The following POC1B variants were observed in gnomAD, a reference collection of about 807,000 sequenced individuals.
The protein encoded by POC1B is POC1 centriolar protein homolog B.
POC1B carries 44 observed loss-of-function variants against 60.6 expected under a neutral mutation model. The ratio of observed to expected loss-of-function variants is 0.73; its 90% confidence interval spans 0.57 to 0.93. The LOEUF (loss-of-function observed/expected upper bound fraction) is 0.93, where lower values mean the gene tolerates loss of function less well. Among genes scored for constraint, POC1B ranks in the 40% least tolerant of loss-of-function variants. POC1B has a pLI of 0.00. For synonymous variants in POC1B, 180 were observed against 198.9 expected (o/e 0.90, Z 0.80); for missense variants, 555 against 572.3 (o/e 0.97, Z 0.31).
At chr12:89,449,767 A>G (rs774238267) in intron 10 of POC1B, among the ~76,000 whole-genome samples, 1 of 152,200 alleles carries the variant, frequency 6.6e-6, no homozygotes, top group Non-Finnish European at 1.5e-5. Flanking sequence ...TAAATCTACA[A>G]TGATTAAAAA....
chr12:89,502,939 A>T (rs572485067), intron 2 of POC1B, among the ~76,000 whole-genome samples: 9 of 152,336 alleles, frequency 5.9e-5, no homozygotes, highest in South Asian at 2.1e-4. Flanking sequence ...AGATAAAAAG[A>T]TGAAAGATCA....
At chr12:89,525,246 C>T (rs775130818) in intron 1 of POC1B, 42 bp from the exon 2 acceptor site, 7 of 1,580,158 alleles carry the variant, frequency 4.4e-6, no homozygotes, top group Non-Finnish European at 6.0e-6. Flanking sequence ...CGCCGCAGAC[C>T]TCGAATTCTG....
At chr12:89,510,691 T>C (rs1301423277) in intron 2 of POC1B, among the ~76,000 whole-genome samples, 3 of 152,318 alleles carry the variant, frequency 2.0e-5, no homozygotes, top group South Asian at 2.1e-4. Context: ...TTGTGCAAAA[T>C]TGCAGTTTTT....
the POC1B span, among the ~76,000 whole-genome samples, chr12:89,407,947 C>A: frequency 6.6e-6 from 1 of 152,140 alleles, no homozygotes; most frequent in East Asian, 1.9e-4. Flanking sequence ...CTAATGCTAT[C>A]CCTCCCCTAG....
chr12:89,467,713 A>C, intron 7 of POC1B, 28 bp from the exon 8 acceptor site: 2 of 1,560,782 alleles, frequency 1.3e-6, no homozygotes, highest in Non-Finnish European at 1.8e-6. Context: ...ATAAAGAAAA[A>C]AAGTACTTGG....
chr12:89,475,398 G>A (rs947138030), intron 4 of POC1B, among the ~76,000 whole-genome samples: 4 of 152,156 alleles, frequency 2.6e-5, no homozygotes, highest in Admixed American at 6.5e-5. Context: ...AACTAAAGGG[G>A]ACTGAGGTTA....
At chr12:89,502,295 T>C (rs1409771120) in intron 2 of POC1B, 3 of 1,605,100 alleles carry the variant, frequency 1.9e-6, no homozygotes, top group Non-Finnish European at 2.6e-6. Flanking sequence ...CACAAACTAG[T>C]ATTGCCCTCC....
chr12:89,416,493 T>C (rs918650814), downstream of POC1B, among the ~76,000 whole-genome samples: 5 of 152,072 alleles, frequency 3.3e-5, no homozygotes, highest in African/African-American at 1.2e-4. Context: ...GAAAATAACC[T>C]CGAAAAGGTA....
intron 4 of POC1B, among the ~76,000 whole-genome samples, chr12:89,478,129 TGATA>T (rs1261585481): frequency 6.6e-6 from 1 of 151,624 alleles, no homozygotes; most frequent in Non-Finnish European, 1.5e-5. Flanking sequence ...ATTCATTTAT[TGATA>T]GACTCTTGCT....
chr12:89,430,318 T>C (rs558638375), intron 10 of POC1B, among the ~76,000 whole-genome samples: 356 of 152,334 alleles, frequency 2.3e-3, no homozygotes, highest in African/African-American at 8.2e-3. Flanking sequence ...TTAAATACCA[T>C]GGTTAATTCT....
intron 10 of POC1B, chr12:89,428,184 G>T (rs963271974): frequency 1.3e-5 from 2 of 152,352 alleles, no homozygotes; most frequent in Admixed American, 1.3e-4. Context: ...CCTGCTCAAA[G>T]AACAGGCTTT....
At chr12:89,414,577 G>A in the POC1B span, among the ~76,000 whole-genome samples, 1 of 152,166 alleles carries the variant, frequency 6.6e-6, no homozygotes, top group Non-Finnish European at 1.5e-5. Flanking sequence ...AAATCCTCTG[G>A]TGCATGAAGT....
chr12:89,505,040 C>T (rs1405500911), intron 2 of POC1B, among the ~76,000 whole-genome samples: 1 of 152,208 alleles, frequency 6.6e-6, no homozygotes, highest in Non-Finnish European at 1.5e-5. Flanking sequence ...TAAACAGGCA[C>T]TTTGCAAAAG....
intron 2 of POC1B, chr12:89,522,868 T>C (rs1323199985): frequency 1.2e-6 from 2 of 1,608,106 alleles, no homozygotes; most frequent in Non-Finnish European, 8.5e-7. Context: ...AGTTCTCATT[T>C]GTACATCAGG....
chr12:89,445,705 T>C (rs1881752667), intron 10 of POC1B, among the ~76,000 whole-genome samples: 1 of 152,176 alleles, frequency 6.6e-6, no homozygotes, highest in African/African-American at 2.4e-5. Context: ...GGGCAAGGAC[T>C]TCATGTCTAA....
intron 4 of POC1B, among the ~76,000 whole-genome samples, chr12:89,474,797 A>G (rs760513116): frequency 6.6e-5 from 10 of 152,236 alleles, no homozygotes; most frequent in African/African-American, 9.6e-5. Flanking sequence ...TGTAAACAAC[A>G]GAAGGTTCTA....
At chr12:89,405,503 C>T in the POC1B span, among the ~76,000 whole-genome samples, 1 of 151,996 alleles carries the variant, frequency 6.6e-6, no homozygotes, top group South Asian at 2.1e-4. Flanking sequence ...ATTAGCCGGG[C>T]ATGGTGGCGT....
chr12:89,444,879 CCTT>C (rs1379514239), intron 10 of POC1B, among the ~76,000 whole-genome samples: 2 of 152,162 alleles, frequency 1.3e-5, no homozygotes, highest in Admixed American at 1.3e-4. Context: ...CCCAAAATCT[CCTT>C]AAGCTGATAA....
intron 4 of POC1B, 31 bp from the exon 5 acceptor site, chr12:89,472,306 G>GTATTTTTTAA: frequency 6.9e-7 from 1 of 1,451,650 alleles, no homozygotes; most frequent in South Asian, 1.2e-5. Flanking sequence ...GATGTTTTAT[G>GTATTTTTTAA]TGAAAGGCTC....
Sources: allele counts gnomAD v4.1 joint callset (sites outside exome capture counted in the v4.1 genomes callset), GRCh38; gene constraint gnomAD v4.1.1; transcripts MANE v1.5; gene names NCBI Gene and HGNC (gene_info 2026-07-23, HGNC 2026-07-21).